LATS2: variants seen among roughly 807,000 people sequenced by gnomAD.
LATS2 encodes large tumor suppressor kinase 2, also known as serine/threonine-protein kinase LATS2.
Under a neutral mutation model 76.0 loss-of-function variants are expected in LATS2, and 24 were observed. The ratio of observed to expected loss-of-function variants is 0.32; its 90% confidence interval spans 0.23 to 0.44. The LOEUF is 0.44. LATS2 is among the 20% of genes least tolerant of loss of function. The pLI is 1.00. For synonymous variants in LATS2, 692 were observed against 635.4 expected, an observed-to-expected ratio of 1.09 and a Z score of -1.34; for missense variants, 1,286 against 1,481.2, an observed-to-expected ratio of 0.87 and a Z score of 2.16.
rs61354306 is a variant in LATS2, at chr13:21,007,735, AG to A, written c.343-16332del. On this transcript the variant is annotated intron_variant, in intron 2 of 7. Transcript: ENST00000382592. Reference sequence around the variant, plus strand: ...ATATATATATATAGTATATATATATAGTATATATATATATATATATATATAT... The same window carrying A: ...ATATATATATATAGTATATATATATATATATATATATATATATATATATAT... Among the ~76,000 whole-genome samples the A allele has an allele frequency of 1.1e-3, 2 of 1,880 alleles. 1 individual carries two copies. The highest frequency in any genetic ancestry group is 0.11 in the South Asian group (2 of 18). 1.2% of individuals were successfully genotyped at this position (1,880 alleles called of 152,430 possible). A position where few individuals can be genotyped will look rare whatever the true frequency, so the allele number is the denominator to read the frequency against.
intron 2 of LATS2, among the ~76,000 whole-genome samples, chr13:21,008,474 A>G (rs972106123): frequency 6.6e-6 from 1 of 152,122 alleles, no homozygotes; most frequent in African/African-American, 2.4e-5. Context: ...GTAGGTATTT[A>G]TGTTTCACCA....
intron 2 of LATS2, among the ~76,000 whole-genome samples, chr13:20,994,584 C>T (rs1221430136): frequency 6.6e-6 from 1 of 152,136 alleles, no homozygotes; most frequent in African/African-American, 2.4e-5. Context: ...GGCCACTCAC[C>T]TTCCTTTCTT....
At chr13:20,976,633 G>A (rs1869636692) in intron 7 of LATS2, among the ~76,000 whole-genome samples, 1 of 152,072 alleles carries the variant, frequency 6.6e-6, no homozygotes, top group African/African-American at 2.4e-5. Flanking sequence ...AAGGGTAATG[G>A]ACTTGAGGAG....
chr13:21,036,709 G>T (rs1322981291), intron 2 of LATS2, among the ~76,000 whole-genome samples: 1 of 152,146 alleles, frequency 6.6e-6, no homozygotes, highest in Non-Finnish European at 1.5e-5. Context: ...GGACACGGAG[G>T]TTACAGTGAG....
Position 20,988,878 on chromosome 13 carries a change from C to G in LATS2, c.902G>C (p.Gly301Ala). 1 of 1,561,002 alleles carries G rather than the reference C, an allele frequency of 6.4e-7. No individual in the cohort carries two copies. Among genetic ancestry groups the G allele is most frequent in the Non-Finnish European group, 8.6e-7 (1 of 1,160,286 alleles). ...TKGQGGPPGA[G>A]LAFPPPAAGL... ...GGCGGCAGGGGGTGGGAAAGCGAGGCCGGCGCCTGGCGGTCCTCCCTGGCC... is the reference window on the plus strand; with the variant it reads ...GGCGGCAGGGGGTGGGAAAGCGAGGGCGGCGCCTGGCGGTCCTCCCTGGCC... Residue 301 changes from glycine to alanine, a missense_variant, in exon 4 of 8, where the codon GGC becomes GCC. Around this residue, in one of 5 missense-constraint regions of LATS2, gnomAD observed 710 missense variants for 660.9 expected, o/e 1.07. Transcript: ENST00000382592.
intron 6 of LATS2, 115 bp downstream of exon 6, chr13:20,981,351 G>A (rs538315557): frequency 4.2e-6 from 4 of 957,838 alleles, no homozygotes; most frequent in East Asian, 5.1e-5. Context: ...GCTTCTATGA[G>A]GACAAAAATA....
chr13:21,031,532 T>C (rs941730474), intron 2 of LATS2, among the ~76,000 whole-genome samples: 2 of 152,198 alleles, frequency 1.3e-5, no homozygotes, highest in Non-Finnish European at 2.9e-5. Flanking sequence ...GTTTCCATTT[T>C]TGTAGTTTCC....
At position 20,987,997 on chromosome 13, in the gene LATS2, T is replaced by C. The variant is rs765165962; in HGVS notation, c.1783A>G (p.Lys595Glu). The C allele has an allele frequency of 6.2e-7, 1 of 1,614,282 alleles. No homozygotes were observed. The highest frequency in any genetic ancestry group is 8.5e-7 in the Non-Finnish European group (1 of 1,180,048). ...TTAAAGGCGTATGGCGAGTAGCTCT[T>C]GATGCGTGACTCTCTCTTCTCTTCG... The part of the protein sequence containing the change: ...RDEEKRESRI[K>E]SYSPYAFKFF... Residue 595 changes from lysine to glutamate, a missense_variant, in exon 4 of 8, where the codon AAG (lysine) becomes GAG (glutamate). This residue lies in a region of LATS2 where 710 missense variants were observed against 660.9 expected (regional missense o/e 1.07). Transcript: ENST00000382592.
chr13:21,005,533 A>ATATGG (rs1871229373), intron 2 of LATS2: 4 of 152,242 alleles, frequency 2.6e-5, no homozygotes, highest in African/African-American at 7.2e-5. Context: ...TGACAGGAAG[A>ATATGG]GTAATAAGAT....
chr13:21,006,545 T>C (rs759411221), intron 2 of LATS2, among the ~76,000 whole-genome samples: 10 of 152,214 alleles, frequency 6.6e-5, no homozygotes, highest in Non-Finnish European at 1.2e-4. Context: ...ACAGATTAAA[T>C]GTGACTCCGG....
chr13:21,019,576 C>T, intron 2 of LATS2, among the ~76,000 whole-genome samples: 1 of 138,968 alleles, frequency 7.2e-6, no homozygotes, highest in African/African-American at 2.7e-5. Context: ...CTCCTGACCT[C>T]AGGTGATCTG....
At chr13:21,045,522 G>C (rs1485581689) in intron 2 of LATS2, among the ~76,000 whole-genome samples, 163 bp downstream of exon 2, 1 of 152,192 alleles carries the variant, frequency 6.6e-6, no homozygotes, top group East Asian at 1.9e-4. Context: ...ACCTTCAATT[G>C]TGAGTTCAAT....
intron 2 of LATS2, among the ~76,000 whole-genome samples, chr13:21,000,106 G>A (rs1012642153): frequency 3.3e-5 from 5 of 152,196 alleles, no homozygotes; most frequent in Non-Finnish European, 7.3e-5. Context: ...GATAGGCCGG[G>A]CGTGGTGGCT....
At chr13:21,009,968 G>C (rs937488857) in intron 2 of LATS2, among the ~76,000 whole-genome samples, 1 of 152,192 alleles carries the variant, frequency 6.6e-6, no homozygotes. Context: ...GGGAGGGCGA[G>C]GTGGACAGAC....
chr13:21,025,134 G>C lies in LATS2; in HGVS notation c.342+20551C>G, dbSNP rs1053263189. 5.5e-4 allele frequency among the ~76,000 whole-genome samples: 83 copies of C among 151,566 alleles called. 1 individual carries two copies. The highest frequency in any genetic ancestry group is 1.9e-3 in the African/African-American group (80 of 41,220). ...ACACCTTTAATGAGGTATAATTTAT[G>C]GTCACGGGGCCAGGTGCGGTGGCTC... On this transcript the variant is annotated intron_variant, in intron 2 of 7. Transcript: ENST00000382592.
At chr13:20,998,388 A>G (rs1870857477) in intron 2 of LATS2, among the ~76,000 whole-genome samples, 1 of 152,146 alleles carries the variant, frequency 6.6e-6, no homozygotes, top group African/African-American at 2.4e-5. Context: ...AATTAATTAA[A>G]TTAAGAAAAA....
chr13:21,026,167 G>A lies in LATS2; in HGVS notation c.342+19518C>T, dbSNP rs115486200. On this transcript the variant is annotated intron_variant, in intron 2 of 7. Coordinates refer to ENST00000382592, the MANE Select transcript of LATS2 (RefSeq NM_014572.3). ...TATTTGCATCCACTGTAACTGGACCGTTCAAGTATGAAAGATGTATACACC... is the reference window on the plus strand; with the variant it reads ...TATTTGCATCCACTGTAACTGGACCATTCAAGTATGAAAGATGTATACACC... Among the ~76,000 whole-genome samples the A allele has an allele frequency of 4.4e-3, 676 of 152,234 alleles. 3 individuals are homozygous for A. The highest frequency in any genetic ancestry group is 0.015 in the African/African-American group (615 of 41,532).
At chr13:20,998,563 G>A (rs937211853) in intron 2 of LATS2, among the ~76,000 whole-genome samples, 19 of 152,152 alleles carry the variant, frequency 1.2e-4, no homozygotes, top group Admixed American at 4.6e-4. Flanking sequence ...GAACACAGGA[G>A]CCGAGGAGCT....
At chr13:20,996,686 G>T (rs931495059) in intron 2 of LATS2, among the ~76,000 whole-genome samples, 1 of 152,098 alleles carries the variant, frequency 6.6e-6, no homozygotes. Context: ...TGGGCTGATA[G>T]AAGATTCTGG....
Sources: allele counts gnomAD v4.1 joint callset (sites outside exome capture counted in the v4.1 genomes callset), GRCh38; gene constraint gnomAD v4.1.1; regional missense constraint gnomAD v4.1.1; transcripts MANE v1.5; gene names NCBI Gene and HGNC (gene_info 2026-07-23, HGNC 2026-07-21).